UBE3B: variants seen among roughly 807,000 people sequenced by gnomAD.
UBE3B encodes ubiquitin-protein ligase E3B.
UBE3B carries 80 observed loss-of-function variants against 132.3 expected under a neutral mutation model. That is an observed-to-expected ratio of 0.60 (90% CI 0.50 to 0.73). The LOEUF (loss-of-function observed/expected upper bound fraction) is 0.73, where lower values mean the gene tolerates loss of function less well. Among genes scored for constraint, UBE3B ranks in the 30% least tolerant of loss-of-function variants. The pLI is 0.00. For missense variants in UBE3B, 1,196 were observed against 1,362.5 expected (o/e 0.88, Z 1.92); for synonymous variants, 487 against 520.4 (o/e 0.94, Z 0.87).
intron 21 of UBE3B, among the ~76,000 whole-genome samples, chr12:109,523,655 C>T (rs1428262507): frequency 6.6e-6 from 1 of 151,444 alleles, no homozygotes; most frequent in Non-Finnish European, 1.5e-5. Flanking sequence ...CACGTTCCAT[C>T]CTCTTAACTG....
chr12:109,544,355 G>T, the UBE3B span, among the ~76,000 whole-genome samples: 2 of 137,090 alleles, frequency 1.5e-5, no homozygotes, highest in African/African-American at 5.3e-5. Context: ...GAGGTATGGG[G>T]GGCCTGAGAC....
intron 15 of UBE3B, 150 bp downstream of exon 15, chr12:109,507,885 G>A: frequency 1.1e-6 from 1 of 950,508 alleles, no homozygotes; most frequent in Non-Finnish European, 1.6e-6. Context: ...TTTACCAAGT[G>A]AGCAGTGTGC....
At chr12:109,537,998 G>A (rs556785731), downstream of UBE3B, among the ~76,000 whole-genome samples, 49 of 152,312 alleles carry the variant, frequency 3.2e-4, no homozygotes, top group African/African-American at 1.2e-3. Context: ...ACCGCGCCCG[G>A]CCAACATTCT....
rs759997769 is a variant in UBE3B at position 109,527,683 on chromosome 12, GT to G, written c.2627+1268del. 1.2e-4 allele frequency among the ~76,000 whole-genome samples: 19 copies of G among 152,210 alleles called. 1 individual carries two copies. Among genetic ancestry groups the G allele is most frequent in the Non-Finnish European group, 1.9e-4 (13 of 68,036 alleles). On this transcript the variant is annotated intron_variant, in intron 24 of 27. Coordinates refer to ENST00000342494, the MANE Select transcript of UBE3B (RefSeq NM_130466.4). Reference sequence around the variant, plus strand: ...AGTTTGAAAACTTAGAAGGAACAAAGTGCAGATTGGGAGGGACTGCCTGCAA... The same window carrying G: ...AGTTTGAAAACTTAGAAGGAACAAAGGCAGATTGGGAGGGACTGCCTGCAA...
At chr12:109,485,928 G>A in intron 4 of UBE3B, 84 bp from the exon 5 acceptor site, 2 of 1,488,676 alleles carry the variant, frequency 1.3e-6, no homozygotes, top group Non-Finnish European at 9.1e-7. Flanking sequence ...GCACGTGCCA[G>A]GTACCCGCTG....
chr12:109,533,299 G>A (rs527569370), intron 26 of UBE3B, among the ~76,000 whole-genome samples, 167 bp from the exon 27 acceptor site: 85 of 152,064 alleles, frequency 5.6e-4, no homozygotes, highest in Non-Finnish European at 1.0e-3. Flanking sequence ...GATGTACGGC[G>A]TGTGCCAGTT....
chr12:109,506,645 C>T (rs1253810179), intron 14 of UBE3B, among the ~76,000 whole-genome samples: 2 of 152,210 alleles, frequency 1.3e-5, no homozygotes, highest in African/African-American at 2.4e-5. Flanking sequence ...GCCACAGCAC[C>T]GGGCTGCCAA....
chr12:109,532,393 A>C (rs985176915), intron 26 of UBE3B, among the ~76,000 whole-genome samples: 1 of 152,204 alleles, frequency 6.6e-6, no homozygotes, highest in African/African-American at 2.4e-5. Context: ...ACTCTTTTTA[A>C]AACTTTTTTT....
chr12:109,510,977 G>C (rs1180035672), intron 17 of UBE3B, among the ~76,000 whole-genome samples: 4 of 152,304 alleles, frequency 2.6e-5, no homozygotes, highest in African/African-American at 9.6e-5. Context: ...GATGACTTTA[G>C]GCTTTGTGGA....
At chr12:109,509,751 C>A in intron 16 of UBE3B, 37 bp downstream of exon 16, 1 of 1,427,088 alleles carries the variant, frequency 7.0e-7, no homozygotes, top group Non-Finnish European at 9.7e-7. Flanking sequence ...TTGGTTGATG[C>A]TGCACCCAGG....
intron 9 of UBE3B, among the ~76,000 whole-genome samples, chr12:109,495,971 A>G (rs1325907196): frequency 6.6e-6 from 1 of 152,248 alleles, no homozygotes; most frequent in African/African-American, 2.4e-5. Context: ...GTTTATGGCC[A>G]GATTTTGGGG....
chr12:109,520,392 T>G (rs1881553366), intron 19 of UBE3B: 1 of 152,208 alleles, frequency 6.6e-6, no homozygotes, highest in Non-Finnish European at 1.5e-5. Context: ...ACTCCAAAGT[T>G]GTGGTTCTGG....
intron 15 of UBE3B, chr12:109,508,433 G>A (rs1879953966): frequency 1.7e-5 from 14 of 838,014 alleles, no homozygotes; most frequent in Non-Finnish European, 2.0e-5. Flanking sequence ...GCACAGAGTG[G>A]GAAATTAACA....
intron 6 of UBE3B, among the ~76,000 whole-genome samples, chr12:109,487,919 A>G (rs1479394874): frequency 6.6e-6 from 1 of 152,148 alleles, no homozygotes; most frequent in African/African-American, 2.4e-5. Flanking sequence ...GACCTGCTAT[A>G]GGGTCTGTGG....
chr12:109,520,924 T>C (rs1223612552), intron 19 of UBE3B: 1 of 486,414 alleles, frequency 2.1e-6, no homozygotes, highest in African/African-American at 1.9e-5. Flanking sequence ...GAGGTCAGTC[T>C]CCCCTTGCCA....
intron 9 of UBE3B, among the ~76,000 whole-genome samples, chr12:109,493,209 G>C (rs572314190): frequency 1.3e-5 from 2 of 152,304 alleles, no homozygotes; most frequent in Admixed American, 1.3e-4. Flanking sequence ...CACTGCAACT[G>C]TCCCTACCCA....
chr12:109,509,082 C>A (rs1022850966), intron 15 of UBE3B: 1 of 152,010 alleles, frequency 6.6e-6, no homozygotes, highest in African/African-American at 2.4e-5. Context: ...TTACTATGGT[C>A]GATTTCAAAT....
At chr12:109,528,348 C>T (rs1882584941) in intron 24 of UBE3B, 3 of 985,366 alleles carry the variant, frequency 3.0e-6, no homozygotes, top group Non-Finnish European at 3.6e-6. Context: ...TACTCGTCAC[C>T]TGCTTCAAAG....
intron 18 of UBE3B, 104 bp from the exon 19 acceptor site, chr12:109,516,661 C>T (rs1423430279): frequency 3.3e-6 from 5 of 1,533,362 alleles, no homozygotes; most frequent in Non-Finnish European, 4.4e-6. Flanking sequence ...TCCCATTCTG[C>T]TTGCATCTCA....
Sources: gnomAD v4.1 joint callset for allele counts (sites outside exome capture counted in the v4.1 genomes callset) on GRCh38, gnomAD v4.1.1 for gene constraint, MANE v1.5 for transcripts, NCBI Gene and HGNC (gene_info 2026-07-23, HGNC 2026-07-21) for gene names.